PDE3B: variants seen among roughly 807,000 people sequenced by gnomAD.
PDE3B encodes the protein cGMP-inhibited 3',5'-cyclic phosphodiesterase 3B.
A neutral mutation model predicts 116.8 loss-of-function variants in PDE3B; 66 were observed. That is an observed-to-expected ratio of 0.56 (90% CI 0.46 to 0.69). The LOEUF (loss-of-function observed/expected upper bound fraction) is 0.69, where lower values mean the gene tolerates loss of function less well. Ranked by LOEUF, PDE3B falls within the 30% of genes least tolerant of loss-of-function variation. PDE3B has a pLI of 0.00. For synonymous variants in PDE3B, 595 were observed against 533.6 expected (o/e 1.12, Z -1.59); for missense variants, 1,384 against 1,368.1 (o/e 1.01, Z -0.18).
the PDE3B span, among the ~76,000 whole-genome samples, chr11:14,897,072 G>A: frequency 6.6e-6 from 1 of 152,202 alleles, no homozygotes; most frequent in Admixed American, 6.5e-5. Context: ...CAAAGTCTGA[G>A]AGCATCATGT....
chr11:14,778,449 C>T (rs570921482), intron 2 of PDE3B, among the ~76,000 whole-genome samples: 21 of 152,180 alleles, frequency 1.4e-4, no homozygotes, highest in African/African-American at 4.3e-4. Context: ...TACGGCCGGG[C>T]GCCCCTCTGA....
chr11:14,819,230 T>C (rs763970045), intron 7 of PDE3B, 21 bp downstream of exon 7: 4 of 1,450,108 alleles, frequency 2.8e-6, no homozygotes, highest in East Asian at 2.3e-5. Flanking sequence ...AAAAGTCATA[T>C]GTATTTGAGT....
intron 1 of PDE3B, among the ~76,000 whole-genome samples, chr11:14,748,646 A>G (rs370231083): frequency 6.6e-6 from 1 of 152,164 alleles, no homozygotes; most frequent in Admixed American, 6.5e-5. Flanking sequence ...TTCTTTAATC[A>G]TTTCAAAATA....
rs370929121 is a variant in PDE3B, at chr11:14,835,060, A to G, written c.2285A>G (p.Gln762Arg). ...ACACGGCCAGTTCCTGGCTTACAGC[A>G]GATCCACAATGGTTGTGGAACAGGA... Reference protein sequence around the residue: ...LTTRPVPGLQQIHNGCGTGNE... With the variant: ...LTTRPVPGLQRIHNGCGTGNE... The change falls in exon 11 of 16, where the codon CAG (glutamine) becomes CGG (arginine). Residue 762 changes from glutamine to arginine, a missense_variant. Physicochemically the swap from Gln to Arg is conservative, Grantham distance 43. This residue lies in a region of PDE3B where 428 missense variants were observed against 561.4 expected (regional missense o/e 0.76). Coordinates refer to ENST00000282096, the MANE Select transcript of PDE3B (RefSeq NM_000922.4). 1.6e-5 allele frequency: 25 copies of G among 1,612,494 alleles called. No homozygotes were observed. In the African/African-American group the frequency reaches 3.2e-4, roughly 21 times the overall value.
At chr11:14,811,283 A>G (rs936942680) in intron 5 of PDE3B, among the ~76,000 whole-genome samples, 4 of 152,092 alleles carry the variant, frequency 2.6e-5, no homozygotes, top group African/African-American at 9.7e-5. Context: ...GTTTTCTTCT[A>G]GGGTTTTTGT....
rs1483014181 is a variant in PDE3B at position 14,688,160 on chromosome 11, C to A, written c.978+43107C>A. 2.4e-5 allele frequency among the ~76,000 whole-genome samples: 3 copies of A among 125,968 alleles called. No individual in the cohort carries two copies. The South Asian group carries it at 8.1e-4, about 34-fold the overall frequency. 82.6% of individuals were successfully genotyped at this position (125,968 alleles called of 152,430 possible). On this transcript the variant is annotated intron_variant, in intron 1 of 15. Transcript: ENST00000282096. The stretch of plus-strand genomic sequence containing the variant: ...CTCTCTCTCCCTCCCTCCCTCCATC[C>A]CTCTCTCTCTCTCTCCCTCTCCCCC...
At chr11:14,717,350 G>A (rs1307964865) in intron 1 of PDE3B, among the ~76,000 whole-genome samples, 1 of 119,578 alleles carries the variant, frequency 8.4e-6, no homozygotes, top group African/African-American at 3.3e-5. Flanking sequence ...CACTCTGCAG[G>A]ATATTATCCA....
chr11:14,889,179 T>C, the PDE3B span, among the ~76,000 whole-genome samples: 87 of 151,874 alleles, frequency 5.7e-4, no homozygotes, highest in African/African-American at 2.0e-3. Context: ...TTTTTTTTTT[T>C]CTGTGAGCAT....
At position 14,644,611 on chromosome 11, in the gene PDE3B, G is replaced by A; in HGVS notation, c.536G>A (p.Gly179Asp). The A allele has an allele frequency of 6.5e-7, 1 of 1,540,524 alleles. No homozygotes were observed. Among genetic ancestry groups the A allele is most frequent in the Non-Finnish European group, 8.7e-7 (1 of 1,146,192 alleles). Residue 179 changes from glycine (G) to aspartate (D), a missense_variant, in exon 1 of 16, where the codon GGC becomes GAC. Transcript: ENST00000282096. The part of the protein sequence containing the change: ...WQWWSWPWGD[G>D]DAGSAAPHTP... ...TGGTGGTCTTGGCCTTGGGGGGATG[G>A]CGACGCAGGGTCCGCGGCCCCGCAC...
At chr11:14,701,901 G>A (rs1281116311) in intron 1 of PDE3B, among the ~76,000 whole-genome samples, 1 of 151,232 alleles carries the variant, frequency 6.6e-6, no homozygotes, top group Non-Finnish European at 1.5e-5. Context: ...CAAGTTTTGT[G>A]ATGCTGTGCT....
intron 1 of PDE3B, among the ~76,000 whole-genome samples, chr11:14,688,204 C>T (rs533914411): frequency 2.7e-5 from 4 of 150,428 alleles, no homozygotes; most frequent in Admixed American, 6.6e-5. Flanking sequence ...TTCTCTCTCT[C>T]GGAGAGAACA....
chr11:14,836,646 A>T (rs1860066506), intron 11 of PDE3B, among the ~76,000 whole-genome samples: 1 of 152,152 alleles, frequency 6.6e-6, no homozygotes, highest in South Asian at 2.1e-4. Context: ...AAACCACACA[A>T]ATTTATTATC....
intron 1 of PDE3B, among the ~76,000 whole-genome samples, chr11:14,743,085 T>C (rs193021993): frequency 1.6e-4 from 24 of 152,314 alleles, no homozygotes; most frequent in Non-Finnish European, 2.2e-4. Context: ...TTAGCAGAGC[T>C]TGAGCGCTGT....
At chr11:14,740,837 T>G (rs767403574) in intron 1 of PDE3B, among the ~76,000 whole-genome samples, 10 of 152,234 alleles carry the variant, frequency 6.6e-5, no homozygotes, top group Non-Finnish European at 1.5e-4. Flanking sequence ...TTTATTCATT[T>G]CTGCCTTAAT....
At chr11:14,725,106 C>G (rs1400329912) in intron 1 of PDE3B, among the ~76,000 whole-genome samples, 1 of 152,082 alleles carries the variant, frequency 6.6e-6, no homozygotes, top group Non-Finnish European at 1.5e-5. Context: ...TGAGGAAAAT[C>G]AAGAACTTCC....
At chr11:14,867,006 CTTTA>C (rs1555008157) in intron 14 of PDE3B, among the ~76,000 whole-genome samples, 1 of 148,734 alleles carries the variant, frequency 6.7e-6, no homozygotes, top group Non-Finnish European at 1.5e-5. Flanking sequence ...GGTAGCTCTA[CTTTA>C]TTTGTTTTTC....
At chr11:14,659,688 C>T (rs1853832055) in intron 1 of PDE3B, among the ~76,000 whole-genome samples, 1 of 152,134 alleles carries the variant, frequency 6.6e-6, no homozygotes, top group Non-Finnish European at 1.5e-5. Context: ...TGTGCTGTTC[C>T]TCCCTACGTG....
At chr11:14,805,452 A>G (rs1565145209) in intron 5 of PDE3B, among the ~76,000 whole-genome samples, 1 of 152,236 alleles carries the variant, frequency 6.6e-6, no homozygotes, top group East Asian at 1.9e-4. Flanking sequence ...CTTCCCTGCA[A>G]CAGTAACTGT....
chr11:14,830,204 G>C (rs565175378), intron 7 of PDE3B, among the ~76,000 whole-genome samples: 1 of 152,202 alleles, frequency 6.6e-6, no homozygotes, highest in African/African-American at 2.4e-5. Flanking sequence ...ATGCTATTTA[G>C]CTATGAATAC....
Sources: allele counts gnomAD v4.1 joint callset (sites outside exome capture counted in the v4.1 genomes callset), GRCh38; gene constraint gnomAD v4.1.1; regional missense constraint gnomAD v4.1.1; transcripts MANE v1.5; gene names NCBI Gene and HGNC (gene_info 2026-07-23, HGNC 2026-07-21).